The following EMSY variants were observed in gnomAD, a reference collection of about 807,000 sequenced individuals.
EMSY encodes the protein EMSY transcriptional repressor, BRCA2 interacting, also known as BRCA2-interacting transcriptional repressor EMSY.
A neutral mutation model predicts 134.6 loss-of-function variants in EMSY; 26 were observed. The ratio of observed to expected loss-of-function variants is 0.19; its 90% CI spans 0.14 to 0.27. The LOEUF (loss-of-function observed/expected upper bound fraction) is 0.27, where lower values mean the gene tolerates loss of function less well. EMSY is among the 10% of genes least tolerant of loss of function. The pLI, the probability that EMSY is intolerant of heterozygous loss-of-function variation, is 1.00. For synonymous variants in EMSY, 579 were observed against 577.8 expected, an observed-to-expected ratio of 1.00 and a Z score of -0.03; for missense variants, 1,305 against 1,611.4, an observed-to-expected ratio of 0.81 and a Z score of 3.26.
intron 4 of EMSY, among the ~76,000 whole-genome samples, chr11:76,457,966 T>C (rs1018732797): frequency 2.0e-5 from 3 of 152,214 alleles, no homozygotes; most frequent in Non-Finnish European, 4.4e-5. Flanking sequence ...CATGATAAGA[T>C]TCAGATTATA....
exon 13 of EMSY, chr11:76,526,581 A>C (rs1271565555): frequency 6.2e-7 from 1 of 1,613,782 alleles, no homozygotes. Context: ...CAGTTCAACC[A>C]GCAGCTAAAA....
chr11:76,528,290 T>C (rs1322726475), exon 14 of EMSY: 5 of 1,613,614 alleles, frequency 3.1e-6, no homozygotes, highest in Non-Finnish European at 4.2e-6. Context: ...CCCAAACCAG[T>C]GACTTTTCAA....
intron 19 of EMSY, among the ~76,000 whole-genome samples, chr11:76,545,231 T>C (rs1170999917): frequency 6.6e-6 from 1 of 152,170 alleles, no homozygotes; most frequent in African/African-American, 2.4e-5. Context: ...ACATCTTTCT[T>C]TGTAGTTTAT....
At chr11:76,462,848 C>A (rs1948180641) in intron 6 of EMSY, among the ~76,000 whole-genome samples, 1 of 152,164 alleles carries the variant, frequency 6.6e-6, no homozygotes, top group South Asian at 2.1e-4. Context: ...GAGATAAAAA[C>A]TACTAAAGGA....
At chr11:76,459,766 G>A (rs757577652) in intron 5 of EMSY, 167 bp from the exon 7 acceptor site, 81 of 602,002 alleles carry the variant, frequency 1.3e-4, no homozygotes, top group Non-Finnish European at 1.9e-4. Flanking sequence ...ATAATTTTCA[G>A]GAAAGGTTAT....
At chr11:76,452,491 A>T (rs1336859050) in intron 3 of EMSY, among the ~76,000 whole-genome samples, 1 of 152,222 alleles carries the variant, frequency 6.6e-6, no homozygotes, top group Non-Finnish European at 1.5e-5. Flanking sequence ...CTGTCTTCAT[A>T]GTTAACAATT....
intron 7 of EMSY, among the ~76,000 whole-genome samples, chr11:76,471,951 C>A (rs1445566889): frequency 6.6e-6 from 1 of 152,180 alleles, no homozygotes; most frequent in African/African-American, 2.4e-5. Context: ...CATATCCCTA[C>A]TTCCTTCTGG....
intron 8 of EMSY, among the ~76,000 whole-genome samples, chr11:76,491,177 C>CTT (rs61688457): frequency 6.5e-4 from 85 of 129,906 alleles, no homozygotes; most frequent in East Asian, 4.6e-3. Context: ...CTTCTTTTTT[C>CTT]TTTTTTTTTT....
chr11:76,474,108 C>A (rs548868515), intron 8 of EMSY, among the ~76,000 whole-genome samples: 77 of 124,508 alleles, frequency 6.2e-4, no homozygotes, highest in African/African-American at 1.9e-3. Context: ...AGACCAAGAC[C>A]CTGTCTCAAA....
At chr11:76,473,575 C>T (rs1481010181) in intron 8 of EMSY, among the ~76,000 whole-genome samples, 2 of 152,072 alleles carry the variant, frequency 1.3e-5, no homozygotes, top group African/African-American at 4.8e-5. Flanking sequence ...TCCCGAAGTG[C>T]TGGTATGACA....
intron 20 of EMSY, chr11:76,547,100 G>A: frequency 2.2e-6 from 1 of 453,038 alleles, no homozygotes; most frequent in Non-Finnish European, 4.4e-6. Flanking sequence ...CTCCTTGCAA[G>A]GTATCAGGTT....
intron 8 of EMSY, among the ~76,000 whole-genome samples, chr11:76,479,266 A>T (rs963862124): frequency 3.9e-5 from 6 of 152,338 alleles, no homozygotes; most frequent in African/African-American, 1.4e-4. Flanking sequence ...ACAATTCCAC[A>T]CCTGACTTCA....
At chr11:76,451,706 T>A in intron 2 of EMSY, 152 bp from the exon 3 acceptor site, 1 of 414,090 alleles carries the variant, frequency 2.4e-6, no homozygotes, top group East Asian at 3.8e-5. Flanking sequence ...AAAGTCACAT[T>A]TTAATGTTAT....
rs1555068832 is a variant in EMSY at position 76,518,704 on chromosome 11, T to TATATATA, written c.1684+2392_1684+2393insATATATA. Among the ~76,000 whole-genome samples, 83 of 78,322 alleles carry TATATATA rather than the reference T, an allele frequency of 1.1e-3. No homozygotes were observed. The East Asian group carries it at 0.015, about 15-fold the overall frequency. 51.4% of individuals were successfully genotyped at this position (78,322 alleles called of 152,430 possible). ...GCGCGCATATATATATATATATATA[T>TATATATA]TTTTTTTTTAATTGGGATCTAATAT... On this transcript the variant is annotated intron_variant, in intron 11 of 20. Coordinates refer to ENST00000334736, the Ensembl canonical transcript of EMSY.
intron 14 of EMSY, 119 bp downstream of exon 15, chr11:76,528,585 C>CTTTTTTTTTTTT (rs1202039448): frequency 2.6e-6 from 1 of 391,280 alleles, no homozygotes; most frequent in Non-Finnish European, 4.3e-6. Context: ...AATTCTTTTC[C>CTTTTTTTTTTTT]TTTTTTTTTT....
At chr11:76,515,634 C>T (rs1225492106) in intron 10 of EMSY, among the ~76,000 whole-genome samples, 4 of 152,026 alleles carry the variant, frequency 2.6e-5, no homozygotes, top group African/African-American at 9.7e-5. Context: ...TAAAGGTGGA[C>T]GTATATTTAG....
exon 21 of EMSY, chr11:76,550,898 C>T (rs960626076): frequency 5.2e-5 from 8 of 152,502 alleles, no homozygotes; most frequent in Non-Finnish European, 1.0e-4. Flanking sequence ...CCACTGTCGT[C>T]GTCTCCCCAC....
exon 21 of EMSY, chr11:76,551,517 A>G (rs1379598147): frequency 6.5e-6 from 1 of 152,714 alleles, no homozygotes; most frequent in Non-Finnish European, 1.5e-5. Flanking sequence ...CTGTGATACT[A>G]TAGTTAATAA....
At position 76,517,800 on chromosome 11, in the gene EMSY, C is replaced by T. The variant is rs549255909; in HGVS notation, c.1684+1488C>T. ...TGAGTGTACATGAGTAGAGACTTTT[C>T]CAGCACTATAGGATATACTTGGCAT... On this transcript the variant is annotated intron_variant, in intron 11 of 20. Coordinates refer to ENST00000334736, the Ensembl canonical transcript of EMSY. Among the ~76,000 whole-genome samples, 3 of 152,254 alleles carry T rather than the reference C, an allele frequency of 2.0e-5. No homozygotes were observed. In the South Asian group the frequency reaches 6.2e-4, roughly 32 times the overall value.
Sources: gnomAD v4.1 joint callset for allele counts (sites outside exome capture counted in the v4.1 genomes callset) on GRCh38, gnomAD v4.1.1 for gene constraint, MANE v1.5 for transcripts, NCBI Gene and HGNC (gene_info 2026-07-23, HGNC 2026-07-21) for gene names.